Variants in FBXL7 observed in about 807,000 individuals in gnomAD.
FBXL7 encodes the protein F-box/LRR-repeat protein 7.
Under a neutral mutation model 38.3 loss-of-function variants are expected in FBXL7, and 12 were observed. The observed-to-expected ratio is 0.31, with a 90% CI of 0.20 to 0.51. The LOEUF (loss-of-function observed/expected upper bound fraction) is 0.51, where lower values mean the gene tolerates loss of function less well. Ranked by LOEUF, FBXL7 falls within the 20% of genes least tolerant of loss-of-function variation. FBXL7 has a pLI of 0.98. For missense variants in FBXL7, 567 were observed against 676.4 expected (o/e 0.84, Z 1.79); for synonymous variants, 297 against 300.9 (o/e 0.99, Z 0.13).
chr5:15,857,886 T>C (rs1027542651), intron 2 of FBXL7, among the ~76,000 whole-genome samples: 2 of 149,728 alleles, frequency 1.3e-5, no homozygotes, highest in African/African-American at 5.1e-5. Flanking sequence ...ATCTGGTATA[T>C]GTGTATATGT....
At chr5:15,769,998 C>A (rs1736686079) in intron 2 of FBXL7, among the ~76,000 whole-genome samples, 1 of 152,074 alleles carries the variant, frequency 6.6e-6, no homozygotes, top group South Asian at 2.1e-4. Context: ...TATTTATCTT[C>A]TGGTAGGTCA....
At chr5:15,595,717 C>T (rs1406643919) in intron 1 of FBXL7, among the ~76,000 whole-genome samples, 1 of 152,086 alleles carries the variant, frequency 6.6e-6, no homozygotes, top group Admixed American at 6.5e-5. Flanking sequence ...CAAAGTCAAG[C>T]AAATGAATAG....
chr5:15,876,305 G>A (rs988011556), intron 2 of FBXL7, among the ~76,000 whole-genome samples: 7 of 152,014 alleles, frequency 4.6e-5, no homozygotes, highest in African/African-American at 1.4e-4. Flanking sequence ...TGTAGATGAC[G>A]GGTTGATGGG....
At chr5:15,575,785 T>C (rs914061216) in intron 1 of FBXL7, among the ~76,000 whole-genome samples, 3 of 152,218 alleles carry the variant, frequency 2.0e-5, no homozygotes, top group African/African-American at 7.2e-5. Flanking sequence ...TTGGGAAATA[T>C]GGTGTAATCT....
rs1561195575 is a variant in FBXL7 at position 15,936,539 on chromosome 5, C to G, written c.829C>G (p.Leu277Val). 6.2e-7 allele frequency: 1 copy of G among 1,613,580 alleles called. No individual in the cohort carries two copies. The highest frequency in any genetic ancestry group is 2.2e-5 in the East Asian group (1 of 44,880). Residue 277 changes from leucine (L) to valine (V), a missense_variant, in exon 4 of 4, where the codon CTG (leucine) becomes GTG (valine). By Grantham distance (32) the Leu-to-Val change is conservative. Coordinates refer to ENST00000504595, the MANE Select transcript of FBXL7 (RefSeq NM_012304.5). This position sits in a 1 kb window ranked among gnomAD's most constrained non-coding sequence, Gnocchi z 6.0. Reference protein sequence around the residue: ...LHGKQISIRYLDMTDCFVLED... With the variant: ...LHGKQISIRYVDMTDCFVLED... ...TGGCAAACAGATTTCCATCCGCTAC[C>G]TGGACATGACGGACTGCTTCGTGCT...
At chr5:15,613,417 C>T (rs1446725429) in intron 1 of FBXL7, among the ~76,000 whole-genome samples, 1 of 152,158 alleles carries the variant, frequency 6.6e-6, no homozygotes. Flanking sequence ...CCACAGCTGC[C>T]AGGCCACAAA....
At chr5:15,741,728 A>G (rs1432513435) in intron 2 of FBXL7, among the ~76,000 whole-genome samples, 1 of 152,220 alleles carries the variant, frequency 6.6e-6, no homozygotes, top group African/African-American at 2.4e-5. Context: ...AACCCGTTTT[A>G]TAAGGAAAAT....
intron 2 of FBXL7, among the ~76,000 whole-genome samples, chr5:15,805,437 C>T (rs1737683141): frequency 1.3e-5 from 2 of 152,162 alleles, no homozygotes; most frequent in South Asian, 4.1e-4. Context: ...TGGAGTTTAT[C>T]TTAAAATATC....
intron 2 of FBXL7, among the ~76,000 whole-genome samples, chr5:15,851,266 A>C (rs1279119485): frequency 1.3e-5 from 2 of 152,168 alleles, no homozygotes; most frequent in East Asian, 3.9e-4. Flanking sequence ...TGTGTTTGAA[A>C]GTGATGCATA....
Position 15,937,125 on chromosome 5 carries a change from G to C in FBXL7, c.1415G>C (p.Arg472Pro), listed in dbSNP as rs766213544. Reference sequence around the variant, plus strand: ...TGCGAGGTCTCCGTGGAGGCCCTGCGCTTTGTCAAACGCCACTGCAAGCGC... The same window carrying C: ...TGCGAGGTCTCCGTGGAGGCCCTGCCCTTTGTCAAACGCCACTGCAAGCGC... ...QDCEVSVEAL[R>P]FVKRHCKRCV... Residue 472 changes from arginine to proline, a missense_variant, in exon 4 of 4, where the codon CGC becomes CCC. Arg to Pro is a moderately radical substitution (Grantham distance 103). Coordinates refer to ENST00000504595, the MANE Select transcript of FBXL7 (RefSeq NM_012304.5). The C allele has an allele frequency of 1.2e-6, 2 of 1,611,896 alleles. No homozygotes were observed. Among genetic ancestry groups the C allele is most frequent in the Non-Finnish European group, 1.7e-6 (2 of 1,178,590 alleles).
intron 1 of FBXL7, among the ~76,000 whole-genome samples, chr5:15,519,936 T>G (rs1302781021): frequency 6.6e-6 from 1 of 152,116 alleles, no homozygotes; most frequent in Non-Finnish European, 1.5e-5. Context: ...AGTAGATGAG[T>G]AAAAGAGTGG....
rs148111545 is a variant in FBXL7 at position 15,650,840 on chromosome 5, A to G, written c.127+34768A>G. ...TCAGTCAAATCTTCATTCTAATTCTAATTCTCTTGCTATTTCCACCACATC... is the reference window on the plus strand; with the variant it reads ...TCAGTCAAATCTTCATTCTAATTCTGATTCTCTTGCTATTTCCACCACATC... On this transcript the variant is annotated intron_variant, in intron 2 of 3. Coordinates refer to ENST00000504595, the MANE Select transcript of FBXL7 (RefSeq NM_012304.5). 6.3e-3 allele frequency among the ~76,000 whole-genome samples: 965 copies of G among 152,212 alleles called. 4 individuals are homozygous for G. The highest frequency in any genetic ancestry group is 8.8e-3 in the Non-Finnish European group (601 of 68,002).
chr5:15,745,781 T>C (rs559970914), intron 2 of FBXL7, among the ~76,000 whole-genome samples: 1 of 152,260 alleles, frequency 6.6e-6, no homozygotes, highest in African/African-American at 2.4e-5. Context: ...GGGGAAGTTA[T>C]GTAGGGTCTC....
chr5:15,730,008 G>A (rs1027509893), intron 2 of FBXL7, among the ~76,000 whole-genome samples: 10 of 152,136 alleles, frequency 6.6e-5, no homozygotes, highest in African/African-American at 1.4e-4. Flanking sequence ...GAGTTCCCAT[G>A]AGAAACAAAT....
intron 2 of FBXL7, among the ~76,000 whole-genome samples, chr5:15,660,902 C>G (rs1742045585): frequency 6.6e-6 from 1 of 152,082 alleles, no homozygotes; most frequent in Non-Finnish European, 1.5e-5. Context: ...GGAGTGTAAT[C>G]TAACTATTTT....
chr5:15,853,177 GTGC>G (rs1739151935), intron 2 of FBXL7, among the ~76,000 whole-genome samples: 1 of 152,164 alleles, frequency 6.6e-6, no homozygotes. Flanking sequence ...CAGAATCACT[GTGC>G]TACAGTGGAA....
At chr5:15,929,556 C>T (rs1462673801) in intron 3 of FBXL7, among the ~76,000 whole-genome samples, 4 of 148,276 alleles carry the variant, frequency 2.7e-5, no homozygotes, top group African/African-American at 5.0e-5. Flanking sequence ...CCCAGGAGTT[C>T]GAAGCTGCAG....
intron 2 of FBXL7, among the ~76,000 whole-genome samples, chr5:15,667,459 G>A (rs538693353): frequency 1.4e-4 from 21 of 152,124 alleles, no homozygotes; most frequent in Non-Finnish European, 2.6e-4. Flanking sequence ...GGAATACTAT[G>A]CTTGATAAAC....
intron 2 of FBXL7, among the ~76,000 whole-genome samples, chr5:15,694,923 G>A (rs74691240): frequency 0.023 from 3,460 of 152,250 alleles, 87 homozygotes; most frequent in South Asian, 0.075. Context: ...GAACAGCTCA[G>A]CAAGGGCCTT....
Sources: gnomAD v4.1 joint callset for allele counts (sites outside exome capture counted in the v4.1 genomes callset) on GRCh38, gnomAD v4.1.1 for gene constraint, Gnocchi (gnomAD v3.1) non-coding constraint, MANE v1.5 for transcripts, NCBI Gene and HGNC (gene_info 2026-07-23, HGNC 2026-07-21) for gene names.